The following PLPP1 variants were observed in gnomAD, a reference collection of about 807,000 sequenced individuals.
PLPP1 encodes the protein phospholipid phosphatase 1, also known as lipid phosphate phosphohydrolase 1a.
Under a neutral mutation model 31.2 loss-of-function variants are expected in PLPP1, and 24 were observed. That is an observed-to-expected ratio of 0.77 (90% CI 0.56 to 1.08). The LOEUF (loss-of-function observed/expected upper bound fraction) is 1.08, where lower values mean the gene tolerates loss of function less well. Ranked by LOEUF, PLPP1 falls within the 50% of genes least tolerant of loss-of-function variation. The pLI, the probability that PLPP1 is intolerant of heterozygous loss-of-function variation, is 0.00. For missense variants in PLPP1, 319 were observed against 342.7 expected, an observed-to-expected ratio of 0.93 and a Z score of 0.55; for synonymous variants, 146 against 126.3, an observed-to-expected ratio of 1.16 and a Z score of -1.05.
chr5:55,460,440 G>GA (rs1379663941), intron 3 of PLPP1, among the ~76,000 whole-genome samples: 1 of 151,896 alleles, frequency 6.6e-6, no homozygotes, highest in Non-Finnish European at 1.5e-5. Flanking sequence ...GATCAGTCAA[G>GA]AAAAAAAGAC....
At chr5:55,512,464 GTC>G (rs1257575014) in intron 1 of PLPP1, among the ~76,000 whole-genome samples, 1 of 27,174 alleles carries the variant, frequency 3.7e-5, no homozygotes, top group African/African-American at 9.9e-5. Flanking sequence ...GAGCAAGACT[GTC>G]TCAAAAAAAA....
At chr5:55,455,390 A>G (rs568631279) in intron 3 of PLPP1, among the ~76,000 whole-genome samples, 11 of 152,114 alleles carry the variant, frequency 7.2e-5, no homozygotes, top group Non-Finnish European at 1.2e-4. Flanking sequence ...CCAGGTGTTT[A>G]AGACCAACCT....
At chr5:55,501,035 C>CCAGG (rs1415756534) in intron 1 of PLPP1, among the ~76,000 whole-genome samples, 6 of 152,122 alleles carry the variant, frequency 3.9e-5, no homozygotes, top group African/African-American at 1.4e-4. Flanking sequence ...ACAAAGCAGG[C>CCAGG]CAGGCATGGT....
chr5:55,477,144 C>T (rs1752568227), intron 1 of PLPP1, among the ~76,000 whole-genome samples: 1 of 152,054 alleles, frequency 6.6e-6, no homozygotes, highest in Non-Finnish European at 1.5e-5. Context: ...AGTTTTCATT[C>T]ATAGGAATGG....
intron 4 of PLPP1, among the ~76,000 whole-genome samples, chr5:55,433,429 ACT>A (rs760371234): frequency 3.1e-5 from 1 of 32,374 alleles, no homozygotes; most frequent in Non-Finnish European, 8.3e-5. Context: ...AAACCTAAAG[ACT>A]CTACCAAAAA....
chr5:55,456,873 A>G (rs1752023999), intron 3 of PLPP1, among the ~76,000 whole-genome samples: 1 of 152,182 alleles, frequency 6.6e-6, no homozygotes, highest in Admixed American at 6.5e-5. Flanking sequence ...CTTAAAAGCT[A>G]TAAACAGGCC....
intron 4 of PLPP1, among the ~76,000 whole-genome samples, chr5:55,430,885 C>T (rs1474377355): frequency 1.3e-5 from 2 of 151,906 alleles, no homozygotes; most frequent in Non-Finnish European, 1.5e-5. Flanking sequence ...TGAGAAAATT[C>T]CCAAAGACAT....
chr5:55,452,565 T>C (rs183837166), intron 3 of PLPP1, among the ~76,000 whole-genome samples: 9 of 152,312 alleles, frequency 5.9e-5, no homozygotes, highest in Non-Finnish European at 1.0e-4. Context: ...TCCCAACATA[T>C]CTGTTCCATG....
At chr5:55,426,066 T>TA in intron 4 of PLPP1, 27 bp from the exon 5 acceptor site, 1 of 1,544,954 alleles carries the variant, frequency 6.5e-7, no homozygotes, top group Non-Finnish European at 8.7e-7. Flanking sequence ...AAGAAAAAAA[T>TA]AGTTTATTTA....
chr5:55,448,551 G>A (rs1222651002), intron 3 of PLPP1, among the ~76,000 whole-genome samples: 2 of 150,194 alleles, frequency 1.3e-5, no homozygotes, highest in East Asian at 2.0e-4. Flanking sequence ...GGGTTCAAGC[G>A]ATTCTCCTGC....
At chr5:55,500,542 G>GAGA (rs1310230492) in intron 1 of PLPP1, among the ~76,000 whole-genome samples, 1 of 152,024 alleles carries the variant, frequency 6.6e-6, no homozygotes, top group African/African-American at 2.4e-5. Context: ...TCAAATCAGG[G>GAGA]AGAAAACTTA....
At chr5:55,469,604 A>T (rs977690257) in intron 2 of PLPP1, among the ~76,000 whole-genome samples, 2 of 152,096 alleles carry the variant, frequency 1.3e-5, no homozygotes, top group African/African-American at 4.8e-5. Context: ...GCTTGACTTG[A>T]GATACATTAC....
intron 1 of PLPP1, among the ~76,000 whole-genome samples, chr5:55,529,342 A>T (rs1740577729): frequency 6.6e-6 from 1 of 152,114 alleles, no homozygotes. Context: ...CCTCTCATTT[A>T]TATCTTCTAG....
intron 3 of PLPP1, among the ~76,000 whole-genome samples, chr5:55,449,663 A>G (rs1561227791): frequency 1.3e-5 from 2 of 152,200 alleles, no homozygotes; most frequent in African/African-American, 2.4e-5. Flanking sequence ...AAAATATACA[A>G]TATACATATA....
chr5:55,488,208 TAA>T (rs781599627), intron 1 of PLPP1, among the ~76,000 whole-genome samples: 2 of 143,172 alleles, frequency 1.4e-5, no homozygotes, highest in Admixed American at 7.0e-5. Flanking sequence ...TTCCACTCCT[TAA>T]AAAAAAAAAA....
chr5:55,444,184 C>T (rs6879932), intron 3 of PLPP1, among the ~76,000 whole-genome samples: 120,430 of 151,472 alleles, frequency 0.8, 48,894 homozygotes, highest in Non-Finnish European at 0.89. Context: ...CGGGTTCAAG[C>T]GATTCTCCTG....
chr5:55,444,084 C>CTTTTT (rs11374794), intron 3 of PLPP1, among the ~76,000 whole-genome samples: 1 of 140,638 alleles, frequency 7.1e-6, no homozygotes, highest in East Asian at 2.0e-4. Flanking sequence ...AGCCCAAATG[C>CTTTTT]TTTTTTTTTT....
intron 1 of PLPP1, among the ~76,000 whole-genome samples, chr5:55,511,640 C>T (rs2111910259): frequency 7.5e-6 from 1 of 132,806 alleles, no homozygotes; most frequent in East Asian, 2.3e-4. Context: ...AGCGATTTAA[C>T]ACGTGTTGAG....
At chr5:55,448,332 T>C (rs903273490) in intron 3 of PLPP1, among the ~76,000 whole-genome samples, 1 of 151,964 alleles carries the variant, frequency 6.6e-6, no homozygotes, top group Non-Finnish European at 1.5e-5. Flanking sequence ...TCAATCAACA[T>C]AGGAAAAATG....
Sources: gnomAD v4.1 joint callset for allele counts (sites outside exome capture counted in the v4.1 genomes callset) on GRCh38, gnomAD v4.1.1 for gene constraint, MANE v1.5 for transcripts, NCBI Gene and HGNC (gene_info 2026-07-23, HGNC 2026-07-21) for gene names.